COX10: variants seen among roughly 807,000 people sequenced by gnomAD.
COX10 encodes cytochrome c oxidase assembly factor heme A:farnesyltransferase COX10.
A neutral mutation model predicts 37.3 loss-of-function variants in COX10; 27 were observed. That is an observed-to-expected ratio of 0.72 (90% CI 0.53 to 1.00). COX10 has a LOEUF of 1.00. Ranked by LOEUF, COX10 falls within the 50% of genes least tolerant of loss-of-function variation. The probability of loss-of-function intolerance (pLI) is 0.00; values close to 1 mark genes in which losing one functional copy is unlikely to be tolerated. For synonymous variants in COX10, 222 were observed against 229.1 expected (o/e 0.97, Z 0.28); for missense variants, 475 against 563.2 (o/e 0.84, Z 1.59).
intron 3 of COX10, among the ~76,000 whole-genome samples, chr17:14,082,822 C>G (rs1278654346): frequency 6.6e-6 from 1 of 152,190 alleles, no homozygotes; most frequent in African/African-American, 2.4e-5. Context: ...TCCAGTGATT[C>G]AGTTCCCCTA....
chr17:14,173,919 T>G (rs758347945), intron 5 of COX10, among the ~76,000 whole-genome samples: 62 of 152,106 alleles, frequency 4.1e-4, no homozygotes, highest in Non-Finnish European at 7.8e-4. Context: ...CAACATGGGC[T>G]GCTCCCCAGT....
intron 5 of COX10, chr17:14,177,049 T>G (rs181225802): frequency 2.5e-6 from 1 of 392,600 alleles, no homozygotes; most frequent in Non-Finnish European, 4.5e-6. Context: ...CATTGTCATT[T>G]GTTTCATTTT....
chr17:14,173,790 A>G (rs2530383), intron 5 of COX10, among the ~76,000 whole-genome samples: 2 of 152,248 alleles, frequency 1.3e-5, no homozygotes, highest in Non-Finnish European at 2.9e-5. Flanking sequence ...CATTGTTTAC[A>G]TGGAAAATTC....
intron 5 of COX10, among the ~76,000 whole-genome samples, chr17:14,188,082 G>T (rs1389767927): frequency 6.7e-6 from 1 of 148,298 alleles, no homozygotes; most frequent in African/African-American, 2.5e-5. Flanking sequence ...CTTGAAGAAG[G>T]AGTAAACAAC....
intron 3 of COX10, 160 bp downstream of exon 3, chr17:14,077,216 T>C (rs1399402553): frequency 3.0e-6 from 2 of 673,810 alleles, no homozygotes; most frequent in East Asian, 5.4e-5. Context: ...AATTAAATTT[T>C]CTGAATTCTA....
intron 4 of COX10, among the ~76,000 whole-genome samples, chr17:14,120,744 G>T (rs1297682368): frequency 6.6e-6 from 1 of 152,138 alleles, no homozygotes; most frequent in African/African-American, 2.4e-5. Context: ...AATAAGTGAT[G>T]AAACTTAGAC....
chr17:14,095,633 A>G (rs1436776852), intron 3 of COX10, among the ~76,000 whole-genome samples: 1 of 152,212 alleles, frequency 6.6e-6, no homozygotes, highest in Non-Finnish European at 1.5e-5. Flanking sequence ...TCCAGGCATG[A>G]TGTGTCTAGA....
Position 14,207,426 on chromosome 17 carries a change from A to G in COX10, c.*213A>G. On this transcript the variant is annotated 3_prime_UTR_variant, in exon 7 of 7. Coordinates refer to ENST00000261643, the MANE Select transcript of COX10 (RefSeq NM_001303.4). ...CATCAGCTCAGTCAGTGAATACAAA[A>G]AAGGAATTATTTTTCCCTTTGAGGG... 3.1e-6 allele frequency: 2 copies of G among 643,122 alleles called. No individual in the cohort carries two copies. The highest frequency in any genetic ancestry group is 5.1e-6 in the Non-Finnish European group (2 of 392,404). 39.8% of individuals were successfully genotyped at this position (643,122 alleles called of 1,614,324 possible).
chr17:14,141,741 TAA>T (rs1904551567), intron 4 of COX10, among the ~76,000 whole-genome samples: 1 of 152,120 alleles, frequency 6.6e-6, no homozygotes, highest in Non-Finnish European at 1.5e-5. Flanking sequence ...TCATTATATT[TAA>T]AGAGTCCATT....
At chr17:14,160,903 G>A (rs181367596) in intron 5 of COX10, among the ~76,000 whole-genome samples, 32 of 152,250 alleles carry the variant, frequency 2.1e-4, no homozygotes, top group African/African-American at 7.7e-4. Context: ...TTTAGAAACT[G>A]TCAAAAGTAC....
intron 5 of COX10, among the ~76,000 whole-genome samples, chr17:14,189,647 A>T (rs1906141718): frequency 1.3e-5 from 2 of 152,336 alleles, no homozygotes; most frequent in South Asian, 4.1e-4. Flanking sequence ...AGTTAGTATG[A>T]GTTTATTTTG....
intron 4 of COX10, among the ~76,000 whole-genome samples, chr17:14,127,927 ATG>A (rs67774468): frequency 0.48 from 68,267 of 143,394 alleles, 17,237 homozygotes; most frequent in South Asian, 0.6. Flanking sequence ...GAGTGTGTGT[ATG>A]TGTGTGTGTG....
At chr17:14,160,500 T>C (rs1905150546) in intron 5 of COX10, among the ~76,000 whole-genome samples, 2 of 152,196 alleles carry the variant, frequency 1.3e-5, no homozygotes, top group Non-Finnish European at 2.9e-5. Flanking sequence ...AAAAACTTTT[T>C]TTTTAACCTA....
intron 3 of COX10, among the ~76,000 whole-genome samples, chr17:14,084,041 A>C (rs893489949): frequency 1.3e-5 from 2 of 152,302 alleles, no homozygotes; most frequent in South Asian, 2.1e-4. Context: ...TCAATGTATA[A>C]ATTTTTTTCT....
chr17:14,160,269 T>A (rs1905146659), intron 5 of COX10, among the ~76,000 whole-genome samples: 1 of 152,196 alleles, frequency 6.6e-6, no homozygotes, highest in Admixed American at 6.5e-5. Flanking sequence ...ACGCAAATGA[T>A]CTTCAGACAA....
chr17:14,180,763 C>A (rs1905833163), intron 5 of COX10, among the ~76,000 whole-genome samples: 2 of 152,142 alleles, frequency 1.3e-5, no homozygotes, highest in Admixed American at 1.3e-4. Context: ...TGCCTAATGT[C>A]TCTTCACTTT....
chr17:14,110,707 TGA>T (rs1336190013), intron 4 of COX10, among the ~76,000 whole-genome samples: 3 of 152,130 alleles, frequency 2.0e-5, no homozygotes, highest in African/African-American at 7.2e-5. Context: ...TTCTCTGCTC[TGA>T]ACCACAGACT....
intron 5 of COX10, among the ~76,000 whole-genome samples, chr17:14,191,684 C>G (rs1200780255): frequency 6.6e-6 from 1 of 152,180 alleles, no homozygotes; most frequent in African/African-American, 2.4e-5. Flanking sequence ...TAAGTGAAAC[C>G]TAGCTGCCCT....
At chr17:14,145,070 G>A (rs774797518) in intron 4 of COX10, among the ~76,000 whole-genome samples, 4 of 151,790 alleles carry the variant, frequency 2.6e-5, no homozygotes, top group Non-Finnish European at 4.4e-5. Context: ...AGAAGAGGCT[G>A]TACACACTGG....
Sources: allele counts gnomAD v4.1 joint callset (sites outside exome capture counted in the v4.1 genomes callset), GRCh38; gene constraint gnomAD v4.1.1; transcripts MANE v1.5; gene names NCBI Gene and HGNC (gene_info 2026-07-23, HGNC 2026-07-21).